SEC14L5: variants seen among roughly 807,000 people sequenced by gnomAD.
SEC14L5 encodes the protein SEC14-like protein 5.
In SEC14L5, 96 loss-of-function variants were observed where a neutral mutation model predicts 84.6. That is an observed-to-expected ratio of 1.13 (90% CI 0.96 to 1.34). The LOEUF (loss-of-function observed/expected upper bound fraction) is 1.34, where lower values mean the gene tolerates loss of function less well. SEC14L5 is among the 40% of genes most tolerant of loss of function. The pLI is 0.00. For missense variants in SEC14L5, 1,224 were observed against 942.5 expected, an observed-to-expected ratio of 1.30 and a Z score of -3.91; for synonymous variants, 546 against 383.4, an observed-to-expected ratio of 1.42 and a Z score of -4.95.
At chr16:5,004,027 G>A (rs985090641) in intron 11 of SEC14L5, among the ~76,000 whole-genome samples, 4 of 152,256 alleles carry the variant, frequency 2.6e-5, no homozygotes, top group Non-Finnish European at 5.9e-5. Flanking sequence ...TCTGAAACAA[G>A]GGTGCAGCCA....
intron 12 of SEC14L5, among the ~76,000 whole-genome samples, chr16:5,006,452 C>A (rs911207343): frequency 2.6e-5 from 4 of 152,144 alleles, no homozygotes; most frequent in Non-Finnish European, 4.4e-5. Flanking sequence ...GGAGCTGGGA[C>A]TAGCCTCCAA....
In SEC14L5 at chr16:4,997,703, C is replaced by G. The variant is rs1016758261; in HGVS notation, c.970+659C>G. Among the ~76,000 whole-genome samples the G allele has an allele frequency of 8.5e-5, 13 of 152,270 alleles. No homozygotes were observed. The South Asian group carries it at 2.1e-3, about 24-fold the overall frequency. ...TAGAAATGTGTTCTTTCACAGTTCT[C>G]GAGGCCAGAAGTCTGGAGTCAAGGC... is the stretch of plus-strand genomic sequence containing the variant. On this transcript the variant is annotated intron_variant, in intron 8 of 15. Coordinates refer to ENST00000251170, the MANE Select transcript of SEC14L5 (RefSeq NM_014692.2).
At position 5,018,966 on chromosome 16, in the gene SEC14L5, T is replaced by C. The variant is rs889285801; in HGVS notation, c.*3996T>C. 3 of 152,190 alleles carry C rather than the reference T, an allele frequency of 2.0e-5. No individual in the cohort carries two copies. Among genetic ancestry groups the C allele is most frequent in the Admixed American group, 6.5e-5 (1 of 15,278 alleles). The allele number at this position is 152,190 out of a possible 1,614,324, so 9.4% of individuals were successfully genotyped here. ...AACCAGCAGCATTAAATGTTTTCCA[T>C]TTGGATAAACTTGCATCGTCAGCTT... On this transcript the variant is annotated 3_prime_UTR_variant, in exon 16 of 16. Transcript: ENST00000251170.
At chr16:4,998,330 A>G (rs1180320783) in intron 8 of SEC14L5, among the ~76,000 whole-genome samples, 2 of 151,754 alleles carry the variant, frequency 1.3e-5, no homozygotes, top group Non-Finnish European at 2.9e-5. Flanking sequence ...TAATGTCCCC[A>G]TGGATATGAG....
rs751059395 is a variant in SEC14L5, at chr16:5,006,035, G to A, written c.1424G>A (p.Gly475Glu). The change falls in exon 12 of 16, where the codon GGG (glycine) becomes GAG (glutamate). Residue 475 changes from glycine to glutamate, a missense_variant. By Grantham distance (98) the Gly-to-Glu change is moderately conservative (BLOSUM62 -2). Transcript: ENST00000251170. ...AGAGAAGTGATCCCTGACTTCCTTGGGGGAGAGAGTGTGGTGAGGCTTCCA... is the reference window on the plus strand; with the variant it reads ...AGAGAAGTGATCCCTGACTTCCTTGAGGGAGAGAGTGTGGTGAGGCTTCCA... ...LDREVIPDFL[G>E]GESVCNVPEG... 1.9e-6 allele frequency: 3 copies of A among 1,613,600 alleles called. No homozygotes were observed. In the African/African-American group the frequency reaches 4.0e-5, roughly 22 times the overall value.
intron 2 of SEC14L5, among the ~76,000 whole-genome samples, chr16:4,963,059 C>G (rs372813805): frequency 2.0e-5 from 3 of 152,154 alleles, no homozygotes; most frequent in South Asian, 2.1e-4. Flanking sequence ...GAAAAGCTGG[C>G]CTTTCAGTTT....
chr16:4,959,338 C>T lies in SEC14L5; in HGVS notation c.15C>T (p.Tyr5=). Residue 5 remains tyrosine (Y), a synonymous_variant, in exon 2 of 16, where the codon TAC becomes TAT. Transcript: ENST00000251170. ...CCAGCGTGAACATGGTGCAAAGATA[C>T]CAGTCTCCTGTCCGAGTCTACAAGT... is the stretch of plus-strand genomic sequence containing the variant. MVQR[Y]QSPVRVYKYP... is the part of the protein sequence containing the mutation. The T allele has an allele frequency of 1.2e-6, 2 of 1,613,658 alleles. No homozygotes were observed. The highest frequency in any genetic ancestry group is 1.7e-6 in the Non-Finnish European group (2 of 1,179,614).
intron 4 of SEC14L5, 120 bp from the exon 5 acceptor site, chr16:4,990,647 C>T (rs907617318): frequency 4.0e-6 from 4 of 1,001,790 alleles, no homozygotes; most frequent in African/African-American, 3.3e-5. Flanking sequence ...CCAGGGTTGC[C>T]AGGCTTGATC....
intron 13 of SEC14L5, among the ~76,000 whole-genome samples, chr16:5,008,213 G>A (rs1047807751): frequency 6.6e-6 from 1 of 152,146 alleles, no homozygotes; most frequent in African/African-American, 2.4e-5. Flanking sequence ...ACCAAGCCTG[G>A]CCGAGATAAG....
At chr16:4,981,255 G>GTTTTTTTTTTTTTTTTT (rs58882220) in intron 2 of SEC14L5, among the ~76,000 whole-genome samples, 2 of 92,904 alleles carry the variant, frequency 2.2e-5, no homozygotes, top group Non-Finnish European at 4.2e-5. Flanking sequence ...TAGCTAATTG[G>GTTTTTTTTTTTTTTTTT]TTTTTTTTTT....
Position 4,988,247 on chromosome 16 carries a change from C to T in SEC14L5, c.312C>T (p.Asn104=). Residue 104 remains asparagine (N), a synonymous_variant, in exon 4 of 16, where the codon AAC becomes AAT. Transcript: ENST00000251170. ...LIEAHNETFA[N]RVVVNEHCSY... is the part of the protein sequence containing the mutation. ...AAGCGCACAATGAGACCTTCGCCAA[C>T]CGCGTGGTGGTGAACGAGCACTGCA... The T allele has an allele frequency of 6.2e-7, 1 of 1,613,816 alleles. No homozygotes were observed. The highest frequency in any genetic ancestry group is 8.5e-7 in the Non-Finnish European group (1 of 1,179,778).
chr16:4,987,817 G>A, intron 3 of SEC14L5, 111 bp downstream of exon 3: 1 of 811,912 alleles, frequency 1.2e-6, no homozygotes, highest in East Asian at 2.8e-5. Context: ...GGTGGAGCAG[G>A]GGCGTGTGAG....
At chr16:4,974,518 A>T (rs536516724) in intron 2 of SEC14L5, among the ~76,000 whole-genome samples, 2 of 152,202 alleles carry the variant, frequency 1.3e-5, no homozygotes, top group East Asian at 3.9e-4. Flanking sequence ...TGCATACTTA[A>T]AAAGGGTGGG....
intron 8 of SEC14L5, among the ~76,000 whole-genome samples, chr16:4,998,706 C>T (rs1027419676): frequency 3.4e-4 from 48 of 139,494 alleles, no homozygotes; most frequent in Non-Finnish European, 4.1e-4. Context: ...CCACTGCACT[C>T]CAGCCTGGGC....
intron 2 of SEC14L5, among the ~76,000 whole-genome samples, chr16:4,977,023 G>A (rs1291888014): frequency 6.6e-6 from 1 of 152,234 alleles, no homozygotes; most frequent in Non-Finnish European, 1.5e-5. Context: ...GAAAGGCACA[G>A]GGGCTGGGCC....
chr16:4,997,476 T>G (rs1442078217), intron 8 of SEC14L5, among the ~76,000 whole-genome samples: 1 of 152,162 alleles, frequency 6.6e-6, no homozygotes, highest in African/African-American at 2.4e-5. Flanking sequence ...CATCTAGAAA[T>G]GCTTTGAAGT....
rs147691622 is a variant in SEC14L5 at position 4,984,304 on chromosome 16, A to C, written c.64-3253A>C. Among the ~76,000 whole-genome samples the C allele has an allele frequency of 2.8e-3, 428 of 152,262 alleles. 1 individual carries two copies. The highest frequency in any genetic ancestry group is 4.4e-3 in the Non-Finnish European group (302 of 68,020). Reference sequence around the variant, plus strand: ...TTCATGCAATATATGGTATTTTGTGATTGGCTACTTGCACTCAGCATAATA... The same window carrying C: ...TTCATGCAATATATGGTATTTTGTGCTTGGCTACTTGCACTCAGCATAATA... On this transcript the variant is annotated intron_variant, in intron 2 of 15. Coordinates refer to ENST00000251170, the MANE Select transcript of SEC14L5 (RefSeq NM_014692.2).
intron 14 of SEC14L5, 169 bp from the exon 15 acceptor site, chr16:5,010,926 T>C: frequency 1.6e-6 from 1 of 630,978 alleles, no homozygotes; most frequent in East Asian, 2.8e-5. Flanking sequence ...ATAGCAAGGA[T>C]GGCTTCCAGA....
At chr16:4,971,707 T>C (rs542485327) in intron 2 of SEC14L5, among the ~76,000 whole-genome samples, 2 of 152,342 alleles carry the variant, frequency 1.3e-5, no homozygotes, top group South Asian at 4.1e-4. Context: ...CCACTCACTC[T>C]GAGACTAGGG....
Sources: allele counts gnomAD v4.1 joint callset (sites outside exome capture counted in the v4.1 genomes callset), GRCh38; gene constraint gnomAD v4.1.1; transcripts MANE v1.5; gene names NCBI Gene and HGNC (gene_info 2026-07-23, HGNC 2026-07-21).